Variants in WNK3 observed in about 807,000 individuals in gnomAD.
WNK3 encodes WNK lysine deficient protein kinase 3, also known as serine/threonine-protein kinase WNK3.
A neutral mutation model predicts 116.7 loss-of-function variants in WNK3; 18 were observed. The observed-to-expected ratio is 0.15, with a 90% CI of 0.11 to 0.23. WNK3 has a LOEUF of 0.23. WNK3 is among the 10% of genes least tolerant of loss of function. The probability of loss-of-function intolerance (pLI) is 1.00; values close to 1 mark genes in which losing one functional copy is unlikely to be tolerated. For synonymous variants in WNK3, 404 were observed against 469.4 expected (o/e 0.86, Z 1.80); for missense variants, 993 against 1,323.8 (o/e 0.75, Z 3.88).
At chrX:54,206,346 C>T (rs1444782682) in intron 22 of WNK3, among the ~76,000 whole-genome samples, 2 of 111,123 alleles carry the variant, frequency 1.8e-5, no homozygotes, top group African/African-American at 3.3e-5. Flanking sequence ...ACTATGATCA[C>T]GCTACTGCAT....
At chrX:54,242,818 A>G (rs184275349) in intron 17 of WNK3, among the ~76,000 whole-genome samples, 1 of 111,955 alleles carries the variant, frequency 8.9e-6, no homozygotes, top group East Asian at 2.8e-4. Flanking sequence ...ACAAAGCAAT[A>G]CAAGGAAAAG....
chrX:54,313,852 C>G (rs2068916931), intron 2 of WNK3, among the ~76,000 whole-genome samples: 1 of 111,086 alleles, frequency 9.0e-6, no homozygotes, highest in Non-Finnish European at 1.9e-5. Context: ...AATATCCTGT[C>G]TAATGTTTCA....
At chrX:54,237,497 G>A (rs1429482337) in exon 20 of WNK3, 1 of 1,179,733 alleles carries the variant, frequency 8.5e-7, no homozygotes, top group African/African-American at 1.8e-5. Context: ...ACTGATATGT[G>A]TTCTATTCCA....
chrX:54,217,910 TTAATA>T (rs1268658889), intron 22 of WNK3, among the ~76,000 whole-genome samples: 3 of 111,579 alleles, frequency 2.7e-5, no homozygotes, highest in Non-Finnish European at 5.6e-5. Flanking sequence ...TAGAAGTTCT[TTAATA>T]TATTATTTAA....
Position 54,274,635 on chromosome X carries a change from A to C in WNK3, c.2038-15297T>G, listed in dbSNP as rs1315576860. 3.6e-5 allele frequency among the ~76,000 whole-genome samples: 4 copies of C among 111,741 alleles called. No individual in the cohort carries two copies. The East Asian group carries it at 1.1e-3, about 31-fold the overall frequency. ...AAACAAACCCTCTCAACCAGAGCTC[A>C]CTGGAGATGACTGATTATAAAGCTG... On this transcript the variant is annotated intron_variant, in intron 10 of 23. Transcript: ENST00000354646.
intron 1 of WNK3, chrX:54,343,481 G>C (rs782255050): frequency 9.0e-6 from 1 of 110,506 alleles, no homozygotes; most frequent in South Asian, 3.9e-4. Flanking sequence ...ACTCCAGCCT[G>C]AGCAACAGAG....
chrX:54,304,368 C>T (rs2068800267), intron 5 of WNK3, among the ~76,000 whole-genome samples: 1 of 107,989 alleles, frequency 9.3e-6, no homozygotes. Context: ...CATCTCTACA[C>T]AAAAATATAA....
chrX:54,211,441 CA>C (rs1216024608), intron 22 of WNK3, among the ~76,000 whole-genome samples: 243 of 50,497 alleles, frequency 4.8e-3, no homozygotes, highest in African/African-American at 0.011. Context: ...GACTCTGTCT[CA>C]AAAAAAAAAA....
intron 2 of WNK3, among the ~76,000 whole-genome samples, chrX:54,319,130 C>T (rs2068999222): frequency 9.1e-6 from 1 of 109,891 alleles, no homozygotes. Context: ...AAGTCCTCTA[C>T]TCATGATAGA....
intron 10 of WNK3, among the ~76,000 whole-genome samples, chrX:54,287,616 G>A (rs1186815007): frequency 9.0e-6 from 1 of 111,650 alleles, no homozygotes. Flanking sequence ...ATGACAGAAG[G>A]GGTTTTTGTA....
chrX:54,288,596 C>T, intron 10 of WNK3, among the ~76,000 whole-genome samples: 1 of 111,351 alleles, frequency 9.0e-6, no homozygotes, highest in Non-Finnish European at 1.9e-5. Flanking sequence ...GAATGAAGGA[C>T]ATCTGCTCAG....
chrX:54,287,757 A>G (rs782779016), intron 10 of WNK3, among the ~76,000 whole-genome samples: 10 of 111,991 alleles, frequency 8.9e-5, no homozygotes, highest in Non-Finnish European at 1.7e-4. Flanking sequence ...GTAAGTAAGG[A>G]AAAGAGTCAG....
At chrX:54,285,174 A>G (rs1484573503) in intron 10 of WNK3, among the ~76,000 whole-genome samples, 1 of 110,961 alleles carries the variant, frequency 9.0e-6, no homozygotes, top group Non-Finnish European at 1.9e-5. Context: ...TGGGAAGCCA[A>G]CGTGGGAAGA....
chrX:54,205,353 A>T (rs2067543630), intron 22 of WNK3, among the ~76,000 whole-genome samples: 1 of 112,186 alleles, frequency 8.9e-6, no homozygotes, highest in Non-Finnish European at 1.9e-5. Context: ...TTCTCCACTA[A>T]GGGAAATAAA....
chrX:54,256,578 C>G lies in WNK3; in HGVS notation c.2103-691G>C, dbSNP rs146231081. On this transcript the variant is annotated intron_variant, in intron 11 of 23. Coordinates refer to ENST00000354646, the Ensembl canonical transcript of WNK3. The stretch of plus-strand genomic sequence containing the variant: ...AAACTCAAACATATTTCAACAAATA[C>G]AAAAATTTCAATAAACACGTTTGGA... Among the ~76,000 whole-genome samples the G allele has an allele frequency of 3.4e-3, 380 of 111,957 alleles. 2 individuals carry two copies. The highest frequency in any genetic ancestry group is 0.012 in the African/African-American group (357 of 30,927).
chrX:54,304,131 A>G (rs2068797297), intron 5 of WNK3, among the ~76,000 whole-genome samples: 1 of 111,535 alleles, frequency 9.0e-6, no homozygotes, highest in African/African-American at 3.3e-5. Flanking sequence ...ATCTGCCCCC[A>G]CACATATTGT....
At chrX:54,283,965 G>C (rs1457856616) in intron 10 of WNK3, among the ~76,000 whole-genome samples, 1 of 108,887 alleles carries the variant, frequency 9.2e-6, no homozygotes, top group African/African-American at 3.3e-5. Flanking sequence ...TAAACCATAT[G>C]AAAGTTTCCT....
intron 17 of WNK3, among the ~76,000 whole-genome samples, chrX:54,242,190 T>C (rs1187902887): frequency 4.5e-5 from 5 of 111,317 alleles, no homozygotes; most frequent in Non-Finnish European, 9.4e-5. Context: ...AAGAAAACAA[T>C]TCCATTTCTA....
chrX:54,254,028 G>C, exon 13 of WNK3: 1 of 1,209,213 alleles, frequency 8.3e-7, no homozygotes, highest in Non-Finnish European at 1.1e-6. Flanking sequence ...TCTTGTTGTT[G>C]TGTGTCTCCA....
Sources: allele counts gnomAD v4.1 joint callset (sites outside exome capture counted in the v4.1 genomes callset), GRCh38; gene constraint gnomAD v4.1.1; transcripts MANE v1.5; gene names NCBI Gene and HGNC (gene_info 2026-07-23, HGNC 2026-07-21).